Variants in EHD4 observed in about 807,000 individuals in gnomAD.
EHD4 encodes EH domain containing 4.
EHD4 carries 37 observed loss-of-function variants against 51.0 expected under a neutral mutation model. The ratio of observed to expected loss-of-function variants is 0.73; its 90% CI spans 0.56 to 0.95. The LOEUF (loss-of-function observed/expected upper bound fraction) is 0.95. Ranked by LOEUF, EHD4 falls within the 40% of genes least tolerant of loss-of-function variation. The pLI, the probability that EHD4 is intolerant of heterozygous loss-of-function variation, is 0.00. For synonymous variants in EHD4, 297 were observed against 317.3 expected, an observed-to-expected ratio of 0.94 and a Z score of 0.68; for missense variants, 632 against 733.1, an observed-to-expected ratio of 0.86 and a Z score of 1.59.
chr15:41,958,956 G>C (rs543169393), intron 1 of EHD4, among the ~76,000 whole-genome samples: 3 of 152,170 alleles, frequency 2.0e-5, no homozygotes, highest in Admixed American at 1.3e-4. Context: ...AGAGGCCGAC[G>C]GGTTCCACTG....
At chr15:41,959,395 CAAAA>C (rs36120701) in intron 1 of EHD4, among the ~76,000 whole-genome samples, 3 of 66,406 alleles carry the variant, frequency 4.5e-5, no homozygotes, top group Non-Finnish European at 8.0e-5. Context: ...GACTTTGTCT[CAAAA>C]AAAAAAAAAA....
intron 3 of EHD4, among the ~76,000 whole-genome samples, chr15:41,924,474 G>A (rs193048949): frequency 1.3e-5 from 2 of 152,332 alleles, no homozygotes; most frequent in East Asian, 1.9e-4. Context: ...GAGCTGCAGA[G>A]TTAATATACG....
In EHD4 at chr15:41,900,947, ACTC is replaced by A. The variant is rs748220575; in HGVS notation, c.1321_1323del (p.Glu441del). On this transcript the variant is annotated inframe_deletion, in exon 6 of 6. Transcript: ENST00000220325. The surrounding 1 kb of genome is among the most constrained non-coding windows in gnomAD (Gnocchi z 4.8). ...ACGGGCTTGTCTTTGGCCACGACCC[ACTC>A]CTCCTCGTCGGCGCCCTCCTTGGCA... The A allele has an allele frequency of 7.1e-5, 114 of 1,611,022 alleles. No individual in the cohort carries two copies. The highest frequency in any genetic ancestry group is 9.3e-5 in the Non-Finnish European group (110 of 1,178,594).
Position 41,943,161 on chromosome 15 carries a change from G to A in EHD4, c.417C>T (p.Phe139=). 1.3e-6 allele frequency: 2 copies of A among 1,581,760 alleles called. No homozygotes were observed. Among genetic ancestry groups the A allele is most frequent in the East Asian group, 2.3e-5 (1 of 43,976 alleles). The change falls in exon 3 of 6, where the codon TTC becomes TTT. Residue 139 remains phenylalanine, a synonymous_variant. Coordinates refer to ENST00000220325, the MANE Select transcript of EHD4 (RefSeq NM_139265.4). ...SRFGNAFLNR[F]MCSQLPNQVL... is the part of the protein sequence containing the mutation. ...CCTGATTGGGGAGCTGTGAGCACAT[G>A]AATCTGGAAGAGACGGATCAAAGGA...
rs1004676374 is a variant in EHD4, at chr15:41,918,982, G to A, written c.924+228C>T. Among the ~76,000 whole-genome samples the A allele has an allele frequency of 2.0e-5, 3 of 152,336 alleles. No homozygotes were observed. The East Asian group carries it at 5.8e-4, about 29-fold the overall frequency. On this transcript the variant is annotated intron_variant, in intron 4 of 5. Transcript: ENST00000220325. ...AAGTTCTTGTGAAGTGCTCTTATTAGCTCCATGGTACAGATTGGAGAACAG... is the reference window on the plus strand; with the variant it reads ...AAGTTCTTGTGAAGTGCTCTTATTAACTCCATGGTACAGATTGGAGAACAG...
chr15:41,909,453 G>T (rs1379635721), intron 5 of EHD4, among the ~76,000 whole-genome samples: 1 of 152,238 alleles, frequency 6.6e-6, no homozygotes, highest in African/African-American at 2.4e-5. Context: ...GTCTAAGAGG[G>T]CTGCTCACCT....
At chr15:41,916,752 C>T (rs542244465) in intron 4 of EHD4, among the ~76,000 whole-genome samples, 7 of 152,366 alleles carry the variant, frequency 4.6e-5, no homozygotes, top group Admixed American at 1.3e-4. Context: ...TGTCCCCGTT[C>T]CTCAGCATGG....
intron 2 of EHD4, among the ~76,000 whole-genome samples, chr15:41,947,042 T>C (rs1051906445): frequency 6.6e-6 from 1 of 152,262 alleles, no homozygotes. Context: ...AGCCTCTGCA[T>C]TTAGAGGAGG....
intron 1 of EHD4, among the ~76,000 whole-genome samples, chr15:41,968,289 T>C (rs1455414925): frequency 6.6e-6 from 1 of 152,190 alleles, no homozygotes; most frequent in African/African-American, 2.4e-5. Flanking sequence ...CTAAAGTTTT[T>C]AAACACAATT....
chr15:41,957,846 G>A (rs1449792411), intron 1 of EHD4, among the ~76,000 whole-genome samples: 1 of 152,206 alleles, frequency 6.6e-6, no homozygotes, highest in Non-Finnish European at 1.5e-5. Flanking sequence ...TCAGTGCAGT[G>A]AGGGAACTCG....
intron 4 of EHD4, among the ~76,000 whole-genome samples, chr15:41,915,574 C>A (rs1299177661): frequency 6.6e-6 from 1 of 152,202 alleles, no homozygotes; most frequent in Non-Finnish European, 1.5e-5. Context: ...TGGGTGACAG[C>A]CTTTCCTATT....
intron 1 of EHD4, among the ~76,000 whole-genome samples, chr15:41,959,395 CAAAAAAAAAAAAAAAA>C (rs36120701): frequency 3.0e-5 from 2 of 66,414 alleles, no homozygotes; most frequent in Non-Finnish European, 2.7e-5. Context: ...GACTTTGTCT[CAAAAAAAAAAAAAAAA>C]AAAAAAAAAA....
chr15:41,960,137 A>T lies in EHD4; in HGVS notation c.237-6197T>A, dbSNP rs529649947. Among the ~76,000 whole-genome samples the T allele has an allele frequency of 1.1e-4, 17 of 152,298 alleles. 1 individual carries two copies. The Middle Eastern group carries it at 0.014, about 122-fold the overall frequency. On this transcript the variant is annotated intron_variant, in intron 1 of 5. Transcript: ENST00000220325. ...ACCTGCACTATCACTGCTTCTAGATACTAACAAATGACAGGTTACTCTGAA... is the reference window on the plus strand; with the variant it reads ...ACCTGCACTATCACTGCTTCTAGATTCTAACAAATGACAGGTTACTCTGAA...
At chr15:41,935,285 T>C (rs528337019) in intron 3 of EHD4, among the ~76,000 whole-genome samples, 1 of 152,302 alleles carries the variant, frequency 6.6e-6, no homozygotes, top group East Asian at 1.9e-4. Context: ...TTGGCTCCTC[T>C]ATCTCCCCTA....
intron 2 of EHD4, among the ~76,000 whole-genome samples, chr15:41,945,614 G>A (rs1409159249): frequency 6.6e-6 from 1 of 152,206 alleles, no homozygotes; most frequent in Non-Finnish European, 1.5e-5. Flanking sequence ...GGGGTGAGGG[G>A]CAGGCAAGAG....
chr15:41,904,366 C>T lies in EHD4; in HGVS notation c.1090-3185G>A, dbSNP rs145718425. Among the ~76,000 whole-genome samples the T allele has an allele frequency of 3.5e-4, 53 of 152,130 alleles. 1 individual carries two copies. In the East Asian group the frequency reaches 0.01, roughly 30 times the overall value. On this transcript the variant is annotated intron_variant, in intron 5 of 5. Coordinates refer to ENST00000220325, the MANE Select transcript of EHD4 (RefSeq NM_139265.4). ...TCCATTCTCATCCCTGTGGTCCCCC[C>T]CAGGCTTGACCGGGGACTGCGGGGG...
rs1468955641 is a variant in EHD4, at chr15:41,972,402, G to C, written c.93C>G (p.Leu31=). 6.2e-7 allele frequency: 1 copy of C among 1,610,278 alleles called. No individual in the cohort carries two copies. The highest frequency in any genetic ancestry group is 8.5e-7 in the Non-Finnish European group (1 of 1,178,740). Residue 31 remains leucine (L), a synonymous_variant, in exon 1 of 6, where the codon CTC becomes CTG. Transcript: ENST00000220325. ...VQTVTGGLRS[L]YLRKVLPLEE... is the part of the protein sequence containing the mutation. ...CCAGCGGCAGCACCTTGCGCAGGTA[G>C]AGCGAGCGCAGCCCGCCCGTCACCG... is the stretch of plus-strand genomic sequence containing the variant.
Position 41,898,906 on chromosome 15 carries a change from G to A in EHD4, c.*1739C>T, listed in dbSNP as rs1454908059. The A allele has an allele frequency of 4.6e-5, 7 of 152,142 alleles. No individual in the cohort carries two copies. Among genetic ancestry groups the A allele is most frequent in the African/African-American group, 1.4e-4 (6 of 41,422 alleles). 9.4% of individuals were successfully genotyped at this position (152,142 alleles called of 1,614,324 possible). A position where few individuals can be genotyped will look rare whatever the true frequency, so the allele number is the denominator to read the frequency against. Reference sequence around the variant, plus strand: ...TCTAATGAATTTAAGTGCTTGTTAAGACTAAAAACCATGTTATGCATTTCC... The same window carrying A: ...TCTAATGAATTTAAGTGCTTGTTAAAACTAAAAACCATGTTATGCATTTCC... On this transcript the variant is annotated 3_prime_UTR_variant, in exon 6 of 6. Transcript: ENST00000220325.
chr15:41,959,395 CAAAAAAAAAAAAAAAAAAA>C (rs36120701), intron 1 of EHD4, among the ~76,000 whole-genome samples: 14,551 of 68,934 alleles, frequency 0.21, 1,111 homozygotes, highest in South Asian at 0.48. Context: ...GACTTTGTCT[CAAAAAAAAAAAAAAAAAAA>C]AAAAAAAAAG....
Sources: gnomAD v4.1 joint callset for allele counts (sites outside exome capture counted in the v4.1 genomes callset) on GRCh38, gnomAD v4.1.1 for gene constraint, Gnocchi (gnomAD v3.1) non-coding constraint, MANE v1.5 for transcripts, NCBI Gene and HGNC (gene_info 2026-07-23, HGNC 2026-07-21) for gene names.